The following COL13A1 variants were observed in gnomAD, a reference collection of about 807,000 sequenced individuals.
COL13A1 encodes the protein collagen type XIII alpha 1 chain, also known as collagen alpha-1(XIII) chain.
COL13A1 carries 89 observed loss-of-function variants against 130.9 expected under a neutral mutation model. That is an observed-to-expected ratio of 0.68 (90% CI 0.57 to 0.81). The LOEUF (loss-of-function observed/expected upper bound fraction) is 0.81, where lower values mean the gene tolerates loss of function less well. COL13A1 is among the 30% of genes least tolerant of loss of function. The pLI, the probability that COL13A1 is intolerant of heterozygous loss-of-function variation, is 0.00. For synonymous variants in COL13A1, 402 were observed against 341.6 expected (o/e 1.18, Z -1.95); for missense variants, 879 against 934.6 (o/e 0.94, Z 0.78).
rs181389599 is a variant in COL13A1 at position 69,926,146 on chromosome 10, A to C, written c.1398+274A>C. The stretch of plus-strand genomic sequence containing the variant: ...TCCTGCCTCAGGGCCCCTGAGTGCC[A>C]TAGTGGAATTATCCTGGCACCCCAC... On this transcript the variant is annotated intron_variant, in intron 26 of 40. Transcript: ENST00000645393. Among the ~76,000 whole-genome samples the C allele has an allele frequency of 3.7e-3, 567 of 152,354 alleles. 14 individuals carry two copies. Among genetic ancestry groups the C allele is most frequent in the Admixed American group, 0.034 (515 of 15,306 alleles).
At chr10:69,820,288 C>T (rs1845728213) in intron 1 of COL13A1, among the ~76,000 whole-genome samples, 1 of 152,238 alleles carries the variant, frequency 6.6e-6, no homozygotes, top group Admixed American at 6.5e-5. Context: ...ACTCATGCCA[C>T]AAATTCTGTC....
chr10:69,933,173 C>T (rs1234184464), intron 31 of COL13A1, among the ~76,000 whole-genome samples: 1 of 124,734 alleles, frequency 8.0e-6, no homozygotes, highest in African/African-American at 2.8e-5. Flanking sequence ...AAAAACAGAA[C>T]CATCCCTCCA....
chr10:69,896,922 G>A (rs2061704272), intron 13 of COL13A1, among the ~76,000 whole-genome samples: 2 of 152,214 alleles, frequency 1.3e-5, no homozygotes, highest in African/African-American at 4.8e-5. Flanking sequence ...TGGGCTCACG[G>A]GGTTATTATG....
At chr10:69,813,143 G>A (rs1320871292) in intron 1 of COL13A1, among the ~76,000 whole-genome samples, 2 of 152,216 alleles carry the variant, frequency 1.3e-5, no homozygotes, top group African/African-American at 4.8e-5. Context: ...TGAAAGGCAG[G>A]AAAGGAGGAA....
chr10:69,917,430 C>T (rs1470323376), intron 18 of COL13A1, 97 bp downstream of exon 18: 2 of 1,045,606 alleles, frequency 1.9e-6, no homozygotes, highest in South Asian at 1.5e-5. Flanking sequence ...GGAGTCCCAG[C>T]TCTTTGGGCC....
intron 34 of COL13A1, among the ~76,000 whole-genome samples, chr10:69,939,711 T>C (rs1393089255): frequency 1.3e-5 from 2 of 152,228 alleles, no homozygotes; most frequent in Non-Finnish European, 2.9e-5. Flanking sequence ...CTTGGAGATT[T>C]TGAATTGCAT....
In COL13A1 at chr10:69,802,598, C is replaced by A. The variant is rs1840314091; in HGVS notation, c.175C>A (p.Leu59Met). ...GGCCCTCTGCTCGCTGGCACTCAGC[C>A]TGCTCGCCCACTTTCGGACGGCCGA... is the stretch of plus-strand genomic sequence containing the variant. The part of the protein sequence containing the change: ...TLALCSLALS[L>M]LAHFRTAELQ... Residue 59 changes from leucine (L) to methionine (M), a missense_variant, in exon 1 of 41, where the codon CTG becomes ATG. Leu to Met is a conservative substitution (Grantham distance 15, BLOSUM62 2). Coordinates refer to ENST00000645393, the MANE Select transcript of COL13A1 (RefSeq NM_001368882.1). The A allele has an allele frequency of 6.2e-7, 1 of 1,612,756 alleles. No individual in the cohort carries two copies. Among genetic ancestry groups the A allele is most frequent in the African/African-American group, 1.3e-5 (1 of 74,862 alleles).
chr10:69,852,865 T>TG (rs1855304267), intron 2 of COL13A1, among the ~76,000 whole-genome samples: 1 of 152,244 alleles, frequency 6.6e-6, no homozygotes, highest in Non-Finnish European at 1.5e-5. Context: ...GGCCCATTGC[T>TG]GGGCCTGGGG....
At chr10:69,896,753 G>C (rs2061683221) in intron 13 of COL13A1, among the ~76,000 whole-genome samples, 1 of 152,168 alleles carries the variant, frequency 6.6e-6, no homozygotes, top group South Asian at 2.1e-4. Context: ...TAAGGCTACG[G>C]CGGTGCTGGG....
intron 2 of COL13A1, among the ~76,000 whole-genome samples, chr10:69,844,243 T>C (rs1411267196): frequency 6.6e-6 from 1 of 152,218 alleles, no homozygotes; most frequent in Admixed American, 6.5e-5. Context: ...CAGCTCAGTG[T>C]GGCTGTCCAG....
At chr10:69,884,356 C>T (rs1054691783) in intron 7 of COL13A1, among the ~76,000 whole-genome samples, 1 of 152,226 alleles carries the variant, frequency 6.6e-6, no homozygotes, top group Admixed American at 6.5e-5. Context: ...CACCCTCCCC[C>T]ACTCAGCTAA....
chr10:69,958,209 AC>A (rs1386327154), intron 40 of COL13A1, among the ~76,000 whole-genome samples: 2 of 152,208 alleles, frequency 1.3e-5, no homozygotes, highest in Non-Finnish European at 2.9e-5. Flanking sequence ...TTAAAGCGCC[AC>A]AAAAGCAGGT....
intron 12 of COL13A1, 146 bp from the exon 13 acceptor site, chr10:69,895,404 C>T (rs2061537786): frequency 2.4e-6 from 2 of 824,112 alleles, no homozygotes; most frequent in Non-Finnish European, 4.1e-6. Flanking sequence ...AGTTCTTCTG[C>T]CTCAGAGGGC....
chr10:69,910,208 G>A (rs546796842), intron 17 of COL13A1, among the ~76,000 whole-genome samples: 228 of 151,998 alleles, frequency 1.5e-3, no homozygotes, highest in African/African-American at 4.5e-3. Context: ...TAAGGCCTAC[G>A]GAGGAGGCAC....
rs1358555862 is a variant in COL13A1 at position 69,918,316 on chromosome 10, A to C, written c.998A>C (p.Lys333Thr). The stretch of plus-strand genomic sequence containing the variant: ...CCCGGAATTGCCGTGGCTGGGATGA[A>C]GGTCAGTGGACTGTTGTAACCAACA... ...GAPGIAVAGMKGEPGIPGTKG... is the reference protein window; with the variant it reads ...GAPGIAVAGMTGEPGIPGTKG... The change falls in exon 19 of 41, where the codon AAG (lysine) becomes ACG (threonine). Residue 333 changes from lysine (K) to threonine (T), a missense_variant and splice_region_variant. By Grantham distance (78) the Lys-to-Thr change is moderately conservative. Around this residue, in one of 3 missense-constraint regions of COL13A1, gnomAD observed 715 missense variants for 721.0 expected, o/e 0.99. Coordinates refer to ENST00000645393, the MANE Select transcript of COL13A1 (RefSeq NM_001368882.1). 1 of 1,612,858 alleles carries C rather than the reference A, an allele frequency of 6.2e-7. No individual in the cohort carries two copies. The highest frequency in any genetic ancestry group is 1.3e-5 in the African/African-American group (1 of 74,844).
intron 2 of COL13A1, among the ~76,000 whole-genome samples, chr10:69,846,440 G>C (rs573814194): frequency 3.0e-4 from 45 of 152,252 alleles, no homozygotes; most frequent in South Asian, 8.3e-4. Flanking sequence ...TGCGACAGAC[G>C]GCCAGCCCAG....
chr10:69,808,717 C>G (rs552635199), intron 1 of COL13A1, among the ~76,000 whole-genome samples: 1 of 152,316 alleles, frequency 6.6e-6, no homozygotes, highest in Non-Finnish European at 1.5e-5. Flanking sequence ...GTCTTGGGTC[C>G]CTTATTAATT....
chr10:69,872,128 A>G, intron 3 of COL13A1, 56 bp from the exon 4 acceptor site: 1 of 1,608,702 alleles, frequency 6.2e-7, no homozygotes. Context: ...ACAGTGTTCA[A>G]CAGTTAGGTG....
At chr10:69,929,608 T>G (rs2065839726) in intron 28 of COL13A1, among the ~76,000 whole-genome samples, 2 of 152,166 alleles carry the variant, frequency 1.3e-5, no homozygotes, top group African/African-American at 4.8e-5. Flanking sequence ...ACTCCCCACC[T>G]GACCCAAAGA....
Sources: allele counts gnomAD v4.1 joint callset (sites outside exome capture counted in the v4.1 genomes callset), GRCh38; gene constraint gnomAD v4.1.1; regional missense constraint gnomAD v4.1.1; transcripts MANE v1.5; gene names NCBI Gene and HGNC (gene_info 2026-07-23, HGNC 2026-07-21).